Variants in PPARGC1A observed in about 807,000 individuals in gnomAD.
The protein encoded by PPARGC1A is peroxisome proliferator-activated receptor gamma coactivator 1-alpha.
Under a neutral mutation model 88.7 loss-of-function variants are expected in PPARGC1A, and 25 were observed. The ratio of observed to expected loss-of-function variants is 0.28; its 90% CI spans 0.21 to 0.39. The LOEUF (loss-of-function observed/expected upper bound fraction) is 0.39, where lower values mean the gene tolerates loss of function less well. Among genes scored for constraint, PPARGC1A ranks in the 10% least tolerant of loss-of-function variants. The pLI, the probability that PPARGC1A is intolerant of heterozygous loss-of-function variation, is 1.00. For missense variants in PPARGC1A, 880 were observed against 968.7 expected (o/e 0.91, Z 1.22); for synonymous variants, 363 against 355.6 (o/e 1.02, Z -0.24).
the PPARGC1A span, among the ~76,000 whole-genome samples, chr4:24,181,067 T>C: frequency 6.6e-6 from 1 of 152,208 alleles, no homozygotes; most frequent in Admixed American, 6.5e-5. Context: ...CTTCAATTAC[T>C]GCCCAAATTC....
the PPARGC1A span, among the ~76,000 whole-genome samples, chr4:24,363,012 T>C: frequency 1.3e-5 from 2 of 152,288 alleles, no homozygotes; most frequent in African/African-American, 4.8e-5. Context: ...CTAAGGCAAT[T>C]CCCCAACTTG....
the PPARGC1A span, among the ~76,000 whole-genome samples, chr4:24,200,498 C>T: frequency 2.5e-4 from 38 of 150,434 alleles, no homozygotes; most frequent in African/African-American, 6.8e-4. Context: ...GCAACAAGAG[C>T]GAAACTCTGA....
At chr4:24,085,693 G>A in the PPARGC1A span, among the ~76,000 whole-genome samples, 1 of 152,310 alleles carries the variant, frequency 6.6e-6, no homozygotes, top group East Asian at 1.9e-4. Context: ...ATCAGTGAGA[G>A]CCTGCATTCT....
At chr4:24,059,026 G>T in the PPARGC1A span, among the ~76,000 whole-genome samples, 4 of 152,292 alleles carry the variant, frequency 2.6e-5, no homozygotes, top group Non-Finnish European at 5.9e-5. Context: ...GGCAGGAGTA[G>T]AACTGAGGGT....
At chr4:24,165,275 C>T in the PPARGC1A span, among the ~76,000 whole-genome samples, 1 of 151,964 alleles carries the variant, frequency 6.6e-6, no homozygotes. Flanking sequence ...TTTGATCAAA[C>T]TGAAATTAAA....
chr4:24,436,267 A>G, the PPARGC1A span, among the ~76,000 whole-genome samples: 1 of 152,256 alleles, frequency 6.6e-6, no homozygotes, highest in Non-Finnish European at 1.5e-5. Context: ...AAAATTGATG[A>G]TGAGCAAAAT....
chr4:24,423,922 G>A, the PPARGC1A span, among the ~76,000 whole-genome samples: 3 of 152,094 alleles, frequency 2.0e-5, no homozygotes, highest in African/African-American at 7.2e-5. Flanking sequence ...GGTGGAGATC[G>A]AAATACCAGT....
intron 12 of PPARGC1A, among the ~76,000 whole-genome samples, chr4:23,796,212 G>A (rs985793489): frequency 6.6e-6 from 1 of 151,988 alleles, no homozygotes; most frequent in Non-Finnish European, 1.5e-5. Flanking sequence ...CCCTTCCCCC[G>A]ACACGTCAAA....
At chr4:24,129,333 G>T in the PPARGC1A span, among the ~76,000 whole-genome samples, 1 of 152,146 alleles carries the variant, frequency 6.6e-6, no homozygotes, top group Non-Finnish European at 1.5e-5. Flanking sequence ...ACTTGGTAGA[G>T]ATCTACAGAT....
the PPARGC1A span, among the ~76,000 whole-genome samples, chr4:24,172,775 G>T: frequency 6.6e-6 from 1 of 152,226 alleles, no homozygotes; most frequent in Admixed American, 6.5e-5. Flanking sequence ...TGCAAACACG[G>T]CACTTTACCC....
At chr4:23,831,074 C>G (rs1724918338) in intron 3 of PPARGC1A, among the ~76,000 whole-genome samples, 1 of 151,818 alleles carries the variant, frequency 6.6e-6, no homozygotes, top group Non-Finnish European at 1.5e-5. Flanking sequence ...AAATATCCAC[C>G]CATAAAAGAT....
the PPARGC1A span, among the ~76,000 whole-genome samples, chr4:24,181,608 G>T: frequency 6.6e-6 from 1 of 152,012 alleles, no homozygotes; most frequent in African/African-American, 2.4e-5. Context: ...TTCCTTCAAG[G>T]TACAAAAATC....
the PPARGC1A span, among the ~76,000 whole-genome samples, chr4:24,102,383 G>A: frequency 1.3e-5 from 2 of 152,012 alleles, no homozygotes; most frequent in Non-Finnish European, 2.9e-5. Context: ...CAACACTGAT[G>A]TCCACACAGG....
At chr4:24,067,246 A>G in the PPARGC1A span, among the ~76,000 whole-genome samples, 1 of 150,496 alleles carries the variant, frequency 6.6e-6, no homozygotes, top group Non-Finnish European at 1.5e-5. Context: ...TTCAATTTTC[A>G]AAGCATTTAA....
At position 23,794,232 on chromosome 4, in the gene PPARGC1A, A is replaced by G. The variant is rs1024849960; in HGVS notation, c.*1590T>C. ...AAAACTACTGTTGATAGAGAAAATA[A>G]AAACATTTCTTAATGGTTACCCATT... On this transcript the variant is annotated 3_prime_UTR_variant, in exon 13 of 13. Coordinates refer to ENST00000264867, the MANE Select transcript of PPARGC1A (RefSeq NM_013261.5). The G allele has an allele frequency of 2.0e-5, 3 of 152,612 alleles. No homozygotes were observed. The highest frequency in any genetic ancestry group is 4.4e-5 in the Non-Finnish European group (3 of 68,018). 9.5% of individuals were successfully genotyped at this position (152,612 alleles called of 1,614,324 possible).
chr4:24,010,437 G>T, the PPARGC1A span, among the ~76,000 whole-genome samples: 1 of 151,934 alleles, frequency 6.6e-6, no homozygotes, highest in East Asian at 1.9e-4. Context: ...CTCGCTCCCC[G>T]GAGTCATCCA....
the PPARGC1A span, among the ~76,000 whole-genome samples, chr4:24,337,594 C>G: frequency 1.3e-5 from 2 of 151,276 alleles, no homozygotes; most frequent in African/African-American, 4.9e-5. Context: ...TAGGTGACAT[C>G]ATAACATAAC....
chr4:23,898,219 G>C (rs1718843957), intron 1 of PPARGC1A, among the ~76,000 whole-genome samples: 1 of 152,144 alleles, frequency 6.6e-6, no homozygotes. Context: ...AGGAAAAAAG[G>C]TCATATGCCT....
chr4:24,172,856 C>T, the PPARGC1A span, among the ~76,000 whole-genome samples: 43 of 152,306 alleles, frequency 2.8e-4, no homozygotes, highest in Middle Eastern at 3.4e-3. Context: ...GCCCTCTTGG[C>T]GACCTAAAAG....
Sources: gnomAD v4.1 joint callset for allele counts (sites outside exome capture counted in the v4.1 genomes callset) on GRCh38, gnomAD v4.1.1 for gene constraint, MANE v1.5 for transcripts, NCBI Gene and HGNC (gene_info 2026-07-23, HGNC 2026-07-21) for gene names.